SPON1: variants seen among roughly 807,000 people sequenced by gnomAD.
SPON1 encodes spondin 1, also known as spondin-1.
In SPON1, 52 loss-of-function variants were observed where a neutral mutation model predicts 111.7. The ratio of observed to expected loss-of-function variants is 0.47; its 90% CI spans 0.37 to 0.59. The LOEUF is 0.59. Among genes scored for constraint, SPON1 ranks in the 20% least tolerant of loss-of-function variants. The pLI, the probability that SPON1 is intolerant of heterozygous loss-of-function variation, is 0.00. For synonymous variants in SPON1, 410 were observed against 395.8 expected (o/e 1.04, Z -0.43); for missense variants, 957 against 1,068.5 (o/e 0.90, Z 1.46).
At chr11:14,023,449 G>A (rs1449709271) in intron 2 of SPON1, among the ~76,000 whole-genome samples, 2 of 152,176 alleles carry the variant, frequency 1.3e-5, no homozygotes, top group Non-Finnish European at 2.9e-5. Context: ...AGTGCCAAGT[G>A]TGTAGTAGAT....
chr11:14,089,387 C>A (rs1238401798), intron 5 of SPON1, among the ~76,000 whole-genome samples: 1 of 152,142 alleles, frequency 6.6e-6, no homozygotes, highest in Non-Finnish European at 1.5e-5. Flanking sequence ...AACAGTCAGG[C>A]TCCTCTTCTG....
At chr11:14,091,321 G>GC (rs2133838416) in intron 5 of SPON1, among the ~76,000 whole-genome samples, 1 of 152,340 alleles carries the variant, frequency 6.6e-6, no homozygotes, top group South Asian at 2.1e-4. Flanking sequence ...CCCGTGCCGA[G>GC]CGCTGGCATT....
chr11:14,099,696 A>AT (rs1849128478), intron 5 of SPON1, among the ~76,000 whole-genome samples: 1 of 152,066 alleles, frequency 6.6e-6, no homozygotes, highest in African/African-American at 2.4e-5. Flanking sequence ...GTGTTAGTCC[A>AT]TTTTTGCATC....
chr11:13,991,146 T>C (rs1032425259), intron 2 of SPON1, among the ~76,000 whole-genome samples: 4 of 152,242 alleles, frequency 2.6e-5, no homozygotes, highest in Non-Finnish European at 5.9e-5. Flanking sequence ...GAAGTTCTCC[T>C]GGATAATATC....
At chr11:14,245,138 G>T (rs1848974848) in intron 7 of SPON1, among the ~76,000 whole-genome samples, 2 of 152,184 alleles carry the variant, frequency 1.3e-5, no homozygotes, top group South Asian at 4.1e-4. Context: ...AAATCCACAG[G>T]ATAGGAAGGG....
At chr11:14,157,965 T>G (rs1190946086) in intron 6 of SPON1, among the ~76,000 whole-genome samples, 1 of 152,182 alleles carries the variant, frequency 6.6e-6, no homozygotes, top group Non-Finnish European at 1.5e-5. Flanking sequence ...CTATAATATC[T>G]AGATCATTTG....
At chr11:14,215,267 G>A (rs542614992) in intron 6 of SPON1, among the ~76,000 whole-genome samples, 1 of 152,286 alleles carries the variant, frequency 6.6e-6, no homozygotes, top group African/African-American at 2.4e-5. Context: ...ATGGCCACAA[G>A]ATCAGTATTA....
intron 2 of SPON1, among the ~76,000 whole-genome samples, chr11:13,992,211 A>G (rs1458028250): frequency 6.6e-6 from 1 of 152,182 alleles, no homozygotes; most frequent in African/African-American, 2.4e-5. Context: ...GTTTTTATCT[A>G]TAAGTCCCTG....
chr11:13,970,793 A>G (rs1320175315), intron 1 of SPON1, among the ~76,000 whole-genome samples: 1 of 152,076 alleles, frequency 6.6e-6, no homozygotes, highest in African/African-American at 2.4e-5. Context: ...CTCACTACCA[A>G]TTTATGTTTC....
At chr11:14,239,151 G>A (rs577030574) in intron 6 of SPON1, among the ~76,000 whole-genome samples, 8 of 152,248 alleles carry the variant, frequency 5.3e-5, no homozygotes, top group African/African-American at 1.9e-4. Flanking sequence ...GCTTTCAATG[G>A]AGGCAAGTTC....
chr11:14,024,631 G>A (rs930676285), intron 2 of SPON1, among the ~76,000 whole-genome samples: 3 of 152,180 alleles, frequency 2.0e-5, no homozygotes, highest in African/African-American at 4.8e-5. Context: ...CTAAGGTCTC[G>A]GGTTTATATG....
At chr11:14,005,472 G>A (rs532212396) in intron 2 of SPON1, among the ~76,000 whole-genome samples, 11 of 152,236 alleles carry the variant, frequency 7.2e-5, no homozygotes, top group South Asian at 6.2e-4. Flanking sequence ...TACCATCTGC[G>A]TGATAATGAC....
rs1554927534 is a variant in SPON1 at position 14,131,768 on chromosome 11, CT to C, written c.677-3650del. 2.9e-4 allele frequency among the ~76,000 whole-genome samples: 44 copies of C among 152,150 alleles called. 2 individuals are homozygous for C. Among genetic ancestry groups the C allele is most frequent in the Admixed American group, 2.9e-3 (44 of 15,280 alleles). On this transcript the variant is annotated intron_variant, in intron 5 of 15. Coordinates refer to ENST00000576479, the MANE Select transcript of SPON1 (RefSeq NM_006108.4). ...TATAAATGGGGCCTGGAGCCAGAGT[CT>C]TCTGGCTCCTGGTCACCATGCCTTT...
chr11:14,093,232 G>T (rs1381367904), intron 5 of SPON1, among the ~76,000 whole-genome samples: 2 of 152,254 alleles, frequency 1.3e-5, no homozygotes, highest in East Asian at 3.8e-4. Flanking sequence ...TCCAGCTATG[G>T]CTCAGAAGCA....
chr11:14,029,619 CT>C (rs1451321345), intron 2 of SPON1, among the ~76,000 whole-genome samples: 1 of 152,154 alleles, frequency 6.6e-6, no homozygotes, highest in Non-Finnish European at 1.5e-5. Flanking sequence ...AGAGGCCAGG[CT>C]CCTCCCCACT....
chr11:14,263,340 C>T lies in SPON1; in HGVS notation c.2260+365C>T, dbSNP rs1243811553. Among the ~76,000 whole-genome samples the T allele has an allele frequency of 2.6e-5, 4 of 152,260 alleles. No individual in the cohort carries two copies. In the East Asian group the frequency reaches 5.8e-4, roughly 22 times the overall value. ...CTCAAAGTCAGTTATGACTTAGCAA[C>T]ACCATTCACTCCTTGCAAAGAGGGA... is the stretch of plus-strand genomic sequence containing the variant. On this transcript the variant is annotated intron_variant, in intron 15 of 15. Coordinates refer to ENST00000576479, the MANE Select transcript of SPON1 (RefSeq NM_006108.4).
chr11:14,093,546 A>T (rs1262881003), intron 5 of SPON1, among the ~76,000 whole-genome samples: 3 of 152,218 alleles, frequency 2.0e-5, no homozygotes, highest in African/African-American at 7.2e-5. Flanking sequence ...GGAGCCAATC[A>T]CGTTTTCCGT....
chr11:14,253,424 C>A (rs1347977379), intron 7 of SPON1, among the ~76,000 whole-genome samples: 6 of 152,236 alleles, frequency 3.9e-5, no homozygotes, highest in Admixed American at 2.0e-4. Flanking sequence ...AAGATTTGGA[C>A]ACTGAGACGC....
At chr11:14,120,263 C>A (rs892892772) in intron 5 of SPON1, among the ~76,000 whole-genome samples, 1 of 152,142 alleles carries the variant, frequency 6.6e-6, no homozygotes, top group African/African-American at 2.4e-5. Flanking sequence ...AATATTTATG[C>A]AAGGCAGGAA....
Sources: allele counts gnomAD v4.1 joint callset (sites outside exome capture counted in the v4.1 genomes callset), GRCh38; gene constraint gnomAD v4.1.1; transcripts MANE v1.5; gene names NCBI Gene and HGNC (gene_info 2026-07-23, HGNC 2026-07-21).